NSD1: variants seen among roughly 807,000 people sequenced by gnomAD.
NSD1 encodes the protein nuclear receptor binding SET domain protein 1, also known as histone-lysine N-methyltransferase, H3 lysine-36 specific.
A neutral mutation model predicts 242.7 loss-of-function variants in NSD1; 26 were observed. That is an observed-to-expected ratio of 0.11 (90% CI 0.08 to 0.15). The LOEUF (loss-of-function observed/expected upper bound fraction) is 0.15. Among genes scored for constraint, NSD1 ranks in the 10% least tolerant of loss-of-function variants. The pLI is 1.00. For synonymous variants in NSD1, 1,106 were observed against 1,178.1 expected (o/e 0.94, Z 1.25); for missense variants, 2,495 against 3,272.8 (o/e 0.76, Z 5.80).
chr5:177,232,912 C>T (rs1486768521), intron 5 of NSD1, among the ~76,000 whole-genome samples: 1 of 152,182 alleles, frequency 6.6e-6, no homozygotes, highest in African/African-American at 2.4e-5. Context: ...TGGTATTAGA[C>T]TGACCACCAT....
intron 20 of NSD1, among the ~76,000 whole-genome samples, chr5:177,284,426 T>C (rs575955478): frequency 6.6e-6 from 1 of 152,052 alleles, no homozygotes; most frequent in East Asian, 1.9e-4. Context: ...TATAGGCACA[T>C]GTCCCCATTC....
chr5:177,220,345 G>A (rs553322919), intron 5 of NSD1, among the ~76,000 whole-genome samples: 1 of 152,102 alleles, frequency 6.6e-6, no homozygotes, highest in East Asian at 1.9e-4. Flanking sequence ...TTTTATATAA[G>A]TATGGCCAAA....
rs755074287 is a variant in NSD1, at chr5:177,135,854, G to A, written c.751G>A (p.Ala251Thr). ...TGAAGTGGACGGCAGCAATGAAAAAGCAGCCCTTCTCCCAGCCCCCTTTTC... is the reference window on the plus strand; with the variant it reads ...TGAAGTGGACGGCAGCAATGAAAAAACAGCCCTTCTCCCAGCCCCCTTTTC... ...RNEVDGSNEK[A>T]ALLPAPFSLG... Residue 251 changes from alanine (A) to threonine (T), a missense_variant, in exon 2 of 23, where the codon GCA becomes ACA. Transcript: ENST00000439151. The A allele has an allele frequency of 6.2e-7, 1 of 1,605,388 alleles. No individual in the cohort carries two copies. The highest frequency in any genetic ancestry group is 8.5e-7 in the Non-Finnish European group (1 of 1,173,904).
At position 177,294,513 on chromosome 5, in the gene NSD1, C is replaced by T. The variant is rs148027433; in HGVS notation, c.7145C>T (p.Thr2382Ile). The change falls in exon 23 of 23, where the codon ACT (threonine) becomes ATT (isoleucine). Residue 2382 changes from threonine (T) to isoleucine (I), a missense_variant. Thr to Ile is a moderately conservative substitution (Grantham distance 89, BLOSUM62 -1). Around this residue, in one of 19 missense-constraint regions of NSD1, gnomAD observed 475 missense variants for 563.7 expected, o/e 0.84. Transcript: ENST00000439151. ...PQSLEKTSVP[T>I]GLRLPPPDRL... ...TCACTGGAGAAAACCTCAGTTCCCA[C>T]TGGCCTGAGACTTCCGCCGCCAGAC... 93 of 1,614,224 alleles carry T rather than the reference C, an allele frequency of 5.8e-5. No individual in the cohort carries two copies. The East Asian group carries it at 1.8e-3, about 31-fold the overall frequency.
chr5:177,280,873 T>A (rs1758817470), intron 18 of NSD1, 39 bp downstream of exon 18: 1 of 1,600,586 alleles, frequency 6.2e-7, no homozygotes, highest in African/African-American at 1.3e-5. Context: ...TTCTCCTCTT[T>A]GCAGTTGCTT....
chr5:177,240,240 G>GT (rs1475403774), intron 8 of NSD1, among the ~76,000 whole-genome samples: 2 of 151,828 alleles, frequency 1.3e-5, no homozygotes, highest in South Asian at 2.1e-4. Context: ...CTTTTGTTTT[G>GT]TTTTTTTGAG....
chr5:177,217,038 CAA>C (rs369105083), intron 5 of NSD1, among the ~76,000 whole-genome samples: 1 of 144,524 alleles, frequency 6.9e-6, no homozygotes. Flanking sequence ...TTTATTTCTG[CAA>C]AAAAAAATGG....
In NSD1 at chr5:177,210,598, G is replaced by A. The variant is rs973110789; in HGVS notation, c.2199G>A (p.Leu733=). ...CGTCTCAGGTTAATCTCTCTGATCT[G>A]AAGGCATCTACTCTTGTTCACAAAC... The part of the protein sequence containing the change: ...TETSQVNLSD[L]KASTLVHKPQ... The change falls in exon 5 of 23, where the codon CTG becomes CTA. Residue 733 remains leucine (L), a synonymous_variant. Transcript: ENST00000439151. 16 of 1,614,136 alleles carry A rather than the reference G, an allele frequency of 9.9e-6. No homozygotes were observed. The highest frequency in any genetic ancestry group is 1.4e-5 in the Non-Finnish European group (16 of 1,180,026).
upstream of NSD1, among the ~76,000 whole-genome samples, chr5:177,132,625 T>G (rs368082764): frequency 3.3e-5 from 5 of 151,822 alleles, no homozygotes; most frequent in East Asian, 5.8e-4. The surrounding 1 kb of genome is among the most constrained non-coding windows in gnomAD (Gnocchi z 7.5). Context: ...CAGGCCGAGG[T>G]GCGGACGCGC....
At chr5:177,220,563 C>CTTTTTTTTTTTTTTTTTTTTTTTTT (rs869220346) in intron 5 of NSD1, among the ~76,000 whole-genome samples, 2 of 84,332 alleles carry the variant, frequency 2.4e-5, no homozygotes, top group Non-Finnish European at 4.5e-5. Context: ...ATAGTAATTG[C>CTTTTTTTTTTTTTTTTTTTTTTTTT]TTTTTTTTTT....
At chr5:177,287,383 A>G (rs918984615) in intron 20 of NSD1, among the ~76,000 whole-genome samples, 1 of 152,232 alleles carries the variant, frequency 6.6e-6, no homozygotes, top group Non-Finnish European at 1.5e-5. Context: ...GCTCACGCCT[A>G]TAATCCCAAC....
At chr5:177,241,778 T>A (rs556127235) in intron 8 of NSD1, among the ~76,000 whole-genome samples, 1 of 152,296 alleles carries the variant, frequency 6.6e-6, no homozygotes, top group East Asian at 1.9e-4. Flanking sequence ...ATTGTTGAAG[T>A]CCTGGTTACT....
intron 5 of NSD1, among the ~76,000 whole-genome samples, chr5:177,233,710 A>G (rs554224176): frequency 1.3e-5 from 2 of 152,228 alleles, no homozygotes; most frequent in East Asian, 3.9e-4. Context: ...TTGGTTTCAC[A>G]AACATTTTAT....
At chr5:177,197,477 C>G (rs1370007081) in intron 3 of NSD1, among the ~76,000 whole-genome samples, 4 of 152,110 alleles carry the variant, frequency 2.6e-5, no homozygotes, top group African/African-American at 9.7e-5. Context: ...AAAACATTAG[C>G]TGGGCAGGGT....
chr5:177,180,101 AT>A (rs1177629072), intron 2 of NSD1, among the ~76,000 whole-genome samples: 217 of 137,644 alleles, frequency 1.6e-3, no homozygotes, highest in African/African-American at 4.6e-3. Flanking sequence ...TTATTTATTT[AT>A]TTTTTTTTTT....
chr5:177,149,794 C>T (rs1326099475), intron 2 of NSD1, among the ~76,000 whole-genome samples: 2 of 152,164 alleles, frequency 1.3e-5, no homozygotes, highest in Non-Finnish European at 2.9e-5. Flanking sequence ...ATAATGCTCC[C>T]TTGTCTGCTG....
intron 2 of NSD1, among the ~76,000 whole-genome samples, chr5:177,181,427 G>GTTTTT (rs34848476): frequency 1.7e-4 from 20 of 117,332 alleles, no homozygotes; most frequent in South Asian, 1.0e-3. Context: ...TTTTTTTTTG[G>GTTTTT]TTTTTTTTTT....
chr5:177,256,928 T>C, intron 12 of NSD1, 23 bp from the exon 13 acceptor site: 7 of 1,600,392 alleles, frequency 4.4e-6, no homozygotes, highest in Non-Finnish European at 6.0e-6. Context: ...TTCTTACTAA[T>C]TTATCTTCTT....
chr5:177,233,269 A>T (rs1020077597), intron 5 of NSD1, among the ~76,000 whole-genome samples: 1 of 151,844 alleles, frequency 6.6e-6, no homozygotes, highest in African/African-American at 2.4e-5. Flanking sequence ...GGGTCTCACT[A>T]TGTTAACTGG....
Sources: allele counts gnomAD v4.1 joint callset (sites outside exome capture counted in the v4.1 genomes callset), GRCh38; gene constraint gnomAD v4.1.1; regional missense constraint gnomAD v4.1.1; non-coding constraint Gnocchi (gnomAD v3.1); transcripts MANE v1.5; gene names NCBI Gene and HGNC (gene_info 2026-07-23, HGNC 2026-07-21).